The following IL11RA variants were observed in gnomAD, a reference collection of about 807,000 sequenced individuals.
The protein encoded by IL11RA is interleukin-11 receptor subunit alpha.
In IL11RA, 51 loss-of-function variants were observed where a neutral mutation model predicts 57.0. That is an observed-to-expected ratio of 0.89 (90% confidence interval 0.71 to 1.13). The LOEUF is 1.13. Among genes scored for constraint, IL11RA ranks in the 50% most tolerant of loss-of-function variants. The pLI is 0.00. For synonymous variants in IL11RA, 199 were observed against 217.5 expected, an observed-to-expected ratio of 0.91 and a Z score of 0.75; for missense variants, 498 against 539.4, an observed-to-expected ratio of 0.92 and a Z score of 0.76.
At position 34,656,814 on chromosome 9, in the gene IL11RA, G is replaced by T; in HGVS notation, c.237G>T (p.Leu79=). ...QGPDSGLGHE[L]VLAQADSTDE... ...CTGACTCTGGGCTAGGGCATGAACTGGTCCTGGCCCAGGCAGACAGCACTG... is the reference window on the plus strand; with the variant it reads ...CTGACTCTGGGCTAGGGCATGAACTTGTCCTGGCCCAGGCAGACAGCACTG... The change falls in exon 4 of 13, where the codon CTG becomes CTT. Residue 79 remains leucine, a synonymous_variant. Transcript: ENST00000441545. 2.5e-6 allele frequency: 4 copies of T among 1,614,164 alleles called. No homozygotes were observed. The highest frequency in any genetic ancestry group is 4.5e-5 in the East Asian group (2 of 44,880).
chr9:34,661,365 C>T, intron 12 of IL11RA, 117 bp from the exon 13 acceptor site: 1 of 1,109,794 alleles, frequency 9.0e-7, no homozygotes, highest in South Asian at 1.2e-5. Flanking sequence ...GAGCTGGGCT[C>T]CTCTACTCAT....
At chr9:34,656,027 G>A (rs1821336927) in intron 3 of IL11RA, 2 of 317,452 alleles carry the variant, frequency 6.3e-6, no homozygotes, top group Non-Finnish European at 1.2e-5. Context: ...GGACAACTGA[G>A]TGGTTACTTT....
At chr9:34,656,959 T>C (rs915720740) in intron 4 of IL11RA, 51 bp downstream of exon 4, 33 of 1,611,782 alleles carry the variant, frequency 2.0e-5, no homozygotes, top group Non-Finnish European at 2.8e-5. Flanking sequence ...TGAGGGAGTA[T>C]GGGACCTAAG....
At position 34,659,455 on chromosome 9, in the gene IL11RA, G is replaced by T. The variant is rs11575579; in HGVS notation, c.811-304G>T. Among the ~76,000 whole-genome samples, 7,153 of 152,280 alleles carry T rather than the reference G, an allele frequency of 0.047. 256 individuals carry two copies. Among genetic ancestry groups the T allele is most frequent in the South Asian group, 0.068 (329 of 4,822 alleles). Reference sequence around the variant, plus strand: ...TTGCATACATTGTTTTGTTTAGGTAGATTCACCTCTATTTTACAAATGAAG... The same window carrying T: ...TTGCATACATTGTTTTGTTTAGGTATATTCACCTCTATTTTACAAATGAAG... On this transcript the variant is annotated intron_variant, in intron 8 of 12. Coordinates refer to ENST00000441545, the MANE Select transcript of IL11RA (RefSeq NM_001142784.3).
chr9:34,661,833 T>TTC lies in IL11RA; in HGVS notation c.*336_*337dup. 7.6e-7 allele frequency: 1 copy of TTC among 1,321,854 alleles called. No homozygotes were observed. The highest frequency in any genetic ancestry group is 1.1e-6 in the Non-Finnish European group (1 of 945,398). 81.9% of individuals were successfully genotyped at this position (1,321,854 alleles called of 1,614,324 possible). A position where few individuals can be genotyped will look rare whatever the true frequency, so the allele number is the denominator to read the frequency against. ...TGTGTGGGTCCTTGGCTCTTGGCCT[T>TTC]TCCCCTTGCAGGGGTTGTGCAGGTG... On this transcript the variant is annotated 3_prime_UTR_variant, in exon 13 of 13. Transcript: ENST00000441545.
In IL11RA at chr9:34,658,498, CTT is replaced by C; in HGVS notation, c.647-20_647-19del. 2 of 1,614,060 alleles carry C rather than the reference CTT, an allele frequency of 1.2e-6. No individual in the cohort carries two copies. Among genetic ancestry groups the C allele is most frequent in the Non-Finnish European group, 1.7e-6 (2 of 1,179,908 alleles). ...GATGGAGACCCATAGCCTACCCTGA[CTT>C]TGTGTCTTGATGCCCTTAGTGCGCC... is the stretch of plus-strand genomic sequence containing the variant. On this transcript the variant is annotated intron_variant, in intron 7 of 12. Transcript: ENST00000441545. This position sits in a 1 kb window ranked among gnomAD's most constrained non-coding sequence, Gnocchi z 4.0.
In IL11RA at chr9:34,658,219, T is replaced by G. The variant is rs906845576; in HGVS notation, c.647-301T>G. ...CCATGTCTGGTTAATTTTTAAAATT[T>G]TTTGTAGAGACAGGGTTTTGCTACG... On this transcript the variant is annotated intron_variant, in intron 7 of 12. Coordinates refer to ENST00000441545, the MANE Select transcript of IL11RA (RefSeq NM_001142784.3). This position sits in a 1 kb window ranked among gnomAD's most constrained non-coding sequence, Gnocchi z 4.0. Among the ~76,000 whole-genome samples, 2 of 152,104 alleles carry G rather than the reference T, an allele frequency of 1.3e-5. No individual in the cohort carries two copies. Among genetic ancestry groups the G allele is most frequent in the African/African-American group, 2.4e-5 (1 of 41,412 alleles).
intron 4 of IL11RA, 48 bp downstream of exon 4, chr9:34,656,956 G>T: frequency 6.2e-7 from 1 of 1,611,716 alleles, no homozygotes; most frequent in Non-Finnish European, 8.5e-7. Context: ...TCCTGAGGGA[G>T]TATGGGACCT....
intron 12 of IL11RA, 57 bp from the exon 13 acceptor site, chr9:34,661,425 G>T: frequency 6.2e-7 from 1 of 1,601,538 alleles, no homozygotes; most frequent in Non-Finnish European, 8.5e-7. Context: ...TTCTCAGGGT[G>T]TCTGGGCCAA....
intron 12 of IL11RA, among the ~76,000 whole-genome samples, 153 bp downstream of exon 12, chr9:34,661,089 C>T (rs909608723): frequency 2.6e-5 from 4 of 152,118 alleles, no homozygotes; most frequent in African/African-American, 9.7e-5. Flanking sequence ...GAGGGCTGGG[C>T]CTTTCATTCT....
rs200580340 is a variant in IL11RA at position 34,657,046 on chromosome 9, C to T, written c.343C>T (p.Arg115Cys). The change falls in exon 5 of 13, where the codon CGC becomes TGC. Residue 115 changes from arginine to cysteine, a missense_variant. By Grantham distance (180) the Arg-to-Cys change is radical (BLOSUM62 -3). Transcript: ENST00000441545. ...VTLQLGYPPARPVVSCQAADY... is the reference protein window; with the variant it reads ...VTLQLGYPPACPVVSCQAADY... Reference sequence around the variant, plus strand: ...CCCTCTGCCTCTAGACCCTCCAGCCCGCCCTGTTGTCTCCTGCCAAGCAGC... The same window carrying T: ...CCCTCTGCCTCTAGACCCTCCAGCCTGCCCTGTTGTCTCCTGCCAAGCAGC... 489 of 1,613,970 alleles carry T rather than the reference C, an allele frequency of 3.0e-4. 2 individuals are homozygous for T. Among genetic ancestry groups the T allele is most frequent in the Non-Finnish European group, 1.9e-4 (225 of 1,179,994 alleles).
intron 2 of IL11RA, 99 bp from the exon 3 acceptor site, chr9:34,655,506 C>G: frequency 9.1e-7 from 1 of 1,102,864 alleles, no homozygotes; most frequent in Admixed American, 1.8e-5. Flanking sequence ...AGTGAGCCCC[C>G]CACCACCCAG....
Position 34,657,432 on chromosome 9 carries a change from C to T in IL11RA, c.491C>T (p.Ser164Phe). ...ATCCTCCCTTCTAGGAGGAGTCCAT[C>T]CACAGGGCCCTGGCCATGCCCACAG... ...LGADSQRRSP[S>F]TGPWPCPQDP... Residue 164 changes from serine to phenylalanine, a missense_variant, in exon 7 of 13, where the codon TCC (serine) becomes TTC (phenylalanine). By Grantham distance (155) the Ser-to-Phe change is radical (BLOSUM62 -2). Transcript: ENST00000441545. The T allele has an allele frequency of 6.2e-7, 1 of 1,614,200 alleles. No individual in the cohort carries two copies. Among genetic ancestry groups the T allele is most frequent in the Non-Finnish European group, 8.5e-7 (1 of 1,180,022 alleles).
At chr9:34,661,371 C>A in intron 12 of IL11RA, 111 bp from the exon 13 acceptor site, 1 of 1,188,028 alleles carries the variant, frequency 8.4e-7, no homozygotes, top group Non-Finnish European at 1.3e-6. Flanking sequence ...GGCTCCTCTA[C>A]TCATCTTCAG....
rs759537683 is a variant in IL11RA at position 34,658,579 on chromosome 9, C to G, written c.706C>G (p.Leu236Val). Residue 236 changes from leucine to valine, a missense_variant, in exon 8 of 13, where the codon CTG (leucine) becomes GTG (valine). Coordinates refer to ENST00000441545, the MANE Select transcript of IL11RA (RefSeq NM_001142784.3). This position sits in a 1 kb window ranked among gnomAD's most constrained non-coding sequence, Gnocchi z 4.0. ...VESVPGYPRR[L>V]RASWTYPASW... ...GTCAGTACCAGGTTACCCCCGACGC[C>G]TGCGAGCCAGCTGGACATACCCTGC... The G allele has an allele frequency of 6.2e-7, 1 of 1,614,064 alleles. No homozygotes were observed. The highest frequency in any genetic ancestry group is 8.5e-7 in the Non-Finnish European group (1 of 1,180,048).
chr9:34,658,070 C>T lies in IL11RA; in HGVS notation c.647-450C>T, dbSNP rs1821381368. ...CTTTTTTTGTTGAGATAGGGTCTCA[C>T]TTTGTGCCCAGGCTGGATGAAGTTC... On this transcript the variant is annotated intron_variant, in intron 7 of 12. Coordinates refer to ENST00000441545, the MANE Select transcript of IL11RA (RefSeq NM_001142784.3). This position sits in a 1 kb window ranked among gnomAD's most constrained non-coding sequence, Gnocchi z 4.0. Among the ~76,000 whole-genome samples the T allele has an allele frequency of 1.3e-5, 2 of 152,182 alleles. No homozygotes were observed. Among genetic ancestry groups the T allele is most frequent in the African/African-American group, 4.8e-5 (2 of 41,446 alleles).
chr9:34,656,750 C>G lies in IL11RA; in HGVS notation c.173C>G (p.Ser58Cys). 1.2e-6 allele frequency: 2 copies of G among 1,614,196 alleles called. No homozygotes were observed. Among genetic ancestry groups the G allele is most frequent in the Non-Finnish European group, 1.7e-6 (2 of 1,180,030 alleles). Reference sequence around the variant, plus strand: ...CATCTCACTTCCAGGGACCCAGTGTCCTGGTTTCGGGATGGGGAGCCAAAG... The same window carrying G: ...CATCTCACTTCCAGGGACCCAGTGTGCTGGTTTCGGGATGGGGAGCCAAAG... The part of the protein sequence containing the change: ...CPGVTAGDPV[S>C]WFRDGEPKLL... Residue 58 changes from serine (S) to cysteine (C), a missense_variant, in exon 4 of 13, where the codon TCC becomes TGC. Coordinates refer to ENST00000441545, the MANE Select transcript of IL11RA (RefSeq NM_001142784.3).
intron 10 of IL11RA, 47 bp from the exon 11 acceptor site, chr9:34,660,457 G>A (rs183202662): frequency 8.7e-6 from 14 of 1,614,038 alleles, no homozygotes; most frequent in African/African-American, 1.3e-5. Flanking sequence ...AGGGGACACC[G>A]AGCTTGGTCA....
chr9:34,660,510 G>A lies in IL11RA; in HGVS notation c.1079G>A (p.Arg360Lys). ...LQPHPRLLDH[R>K]DSVEQVAVLA... is the part of the protein sequence containing the mutation. ...ATGTGGCCCTCCCCCTCAGATCACA[G>A]GGACTCTGTGGAGCAGGTAGCTGTG... Residue 360 changes from arginine (R) to lysine (K), a missense_variant, in exon 11 of 13, where the codon AGG becomes AAG. Physicochemically the swap from Arg to Lys is conservative, Grantham distance 26. Transcript: ENST00000441545. 1 of 1,614,164 alleles carries A rather than the reference G, an allele frequency of 6.2e-7. No individual in the cohort carries two copies. Among genetic ancestry groups the A allele is most frequent in the African/African-American group, 1.3e-5 (1 of 75,066 alleles).
Sources: gnomAD v4.1 joint callset for allele counts (sites outside exome capture counted in the v4.1 genomes callset) on GRCh38, gnomAD v4.1.1 for gene constraint, Gnocchi (gnomAD v3.1) non-coding constraint, MANE v1.5 for transcripts, NCBI Gene and HGNC (gene_info 2026-07-23, HGNC 2026-07-21) for gene names.